Variants in AGL observed in about 807,000 individuals in gnomAD.
The protein encoded by AGL is glycogen debranching enzyme.
A neutral mutation model predicts 199.3 loss-of-function variants in AGL; 128 were observed. The observed-to-expected ratio is 0.64, with a 90% CI of 0.56 to 0.74. The LOEUF is 0.74. Ranked by LOEUF, AGL falls within the 30% of genes least tolerant of loss-of-function variation. The probability of loss-of-function intolerance (pLI) is 0.00; values close to 1 mark genes in which losing one functional copy is unlikely to be tolerated. For synonymous variants in AGL, 584 were observed against 594.7 expected (o/e 0.98, Z 0.26); for missense variants, 1,809 against 1,820.8 (o/e 0.99, Z 0.12).
chr1:99,902,205 GAA>G, intron 26 of AGL, among the ~76,000 whole-genome samples: 1 of 152,184 alleles, frequency 6.6e-6, no homozygotes, highest in East Asian at 1.9e-4. Flanking sequence ...TATGGGTAAA[GAA>G]AATGACTTAT....
chr1:99,907,611 CTTGTTTTTTTCTGTGT>C (rs1570497630), intron 27 of AGL, among the ~76,000 whole-genome samples: 1 of 149,686 alleles, frequency 6.7e-6, no homozygotes, highest in Admixed American at 6.7e-5. Context: ...CTCACCAATA[CTTGTTTTTTTCTGTGT>C]TTGTTTTTTT....
At position 99,885,468 on chromosome 1, in the gene AGL, A is replaced by G. The variant is rs574794767; in HGVS notation, c.2681+765A>G. Among the ~76,000 whole-genome samples the G allele has an allele frequency of 3.3e-5, 5 of 152,284 alleles. No individual in the cohort carries two copies. In the East Asian group the frequency reaches 5.8e-4, roughly 18 times the overall value. On this transcript the variant is annotated intron_variant, in intron 20 of 33. Transcript: ENST00000361915. Reference sequence around the variant, plus strand: ...TTTTGGGTTAGACGAGGGGTCCCCAACCTCTGGGCCACAGACTGGTACTGG... The same window carrying G: ...TTTTGGGTTAGACGAGGGGTCCCCAGCCTCTGGGCCACAGACTGGTACTGG...
intron 17 of AGL, among the ~76,000 whole-genome samples, chr1:99,882,190 A>G (rs1277424554): frequency 6.6e-6 from 1 of 151,934 alleles, no homozygotes; most frequent in South Asian, 2.1e-4. Context: ...TTTTTACTGC[A>G]TGGAACAAAA....
chr1:99,920,509 T>C (rs1655442527), intron 33 of AGL, among the ~76,000 whole-genome samples: 1 of 152,244 alleles, frequency 6.6e-6, no homozygotes, highest in Non-Finnish European at 1.5e-5. Flanking sequence ...GATGCCCAGG[T>C]ATCCAACTTC....
chr1:99,910,683 T>C (rs1204709060), intron 27 of AGL, 29 bp from the exon 28 acceptor site: 4 of 1,372,868 alleles, frequency 2.9e-6, no homozygotes, highest in Non-Finnish European at 4.0e-6. Flanking sequence ...ACTTATAAAA[T>C]TTTATTTTAT....
intron 5 of AGL, among the ~76,000 whole-genome samples, chr1:99,864,825 T>G (rs912743645): frequency 6.6e-6 from 1 of 152,224 alleles, no homozygotes; most frequent in Non-Finnish European, 1.5e-5. Flanking sequence ...CATCTGTTGC[T>G]TATAAATACA....
rs1032852905 is a variant in AGL at position 99,880,718 on chromosome 1, T to C, written c.1822T>C (p.Cys608Arg). The C allele has an allele frequency of 3.1e-6, 5 of 1,613,960 alleles. No homozygotes were observed. The highest frequency in any genetic ancestry group is 4.2e-6 in the Non-Finnish European group (5 of 1,179,948). The change falls in exon 14 of 34, where the codon TGT becomes CGT. Residue 608 changes from cysteine (C) to arginine (R), a missense_variant. By Grantham distance (180) the Cys-to-Arg change is radical (BLOSUM62 -3). Transcript: ENST00000361915. ...GEPVGSFVQP[C>R]LRPLMPAIAH... ...ACCTGTTGGATCCTTTGTTCAGCCCTGTTTGAGGCCTTTAATGCCAGCTAT... is the reference window on the plus strand; with the variant it reads ...ACCTGTTGGATCCTTTGTTCAGCCCCGTTTGAGGCCTTTAATGCCAGCTAT...
upstream of AGL, chr1:99,850,180 C>G (rs1274622498): frequency 6.6e-6 from 1 of 152,424 alleles, no homozygotes; most frequent in Admixed American, 6.5e-5. Flanking sequence ...CCGCGCGAGG[C>G]GAAGTCGCTG....
chr1:99,852,372 T>TTTTC (rs1649031257), intron 2 of AGL, among the ~76,000 whole-genome samples: 1 of 96,122 alleles, frequency 1.0e-5, no homozygotes, highest in African/African-American at 4.3e-5. Flanking sequence ...TTTTTTTTTT[T>TTTTC]CCTTTTCTCT....
chr1:99,863,342 T>A (rs1650225655), intron 4 of AGL, among the ~76,000 whole-genome samples: 1 of 152,164 alleles, frequency 6.6e-6, no homozygotes, highest in African/African-American at 2.4e-5. Flanking sequence ...ACTTATCATT[T>A]CTAAGACTTT....
chr1:99,857,450 C>A (rs920932949), intron 2 of AGL, among the ~76,000 whole-genome samples: 4 of 152,088 alleles, frequency 2.6e-5, no homozygotes, highest in Non-Finnish European at 4.4e-5. Context: ...CTTTGGGAGG[C>A]CAAGGCAGGC....
At chr1:99,899,652 G>T (rs1328761976) in intron 25 of AGL, among the ~76,000 whole-genome samples, 1 of 142,504 alleles carries the variant, frequency 7.0e-6, no homozygotes, top group East Asian at 2.2e-4. Context: ...ACTGAGTCTC[G>T]CTCTGCCATC....
Position 99,888,009 on chromosome 1 carries a change from A to AAGG in AGL, c.2714_2715insGGA (p.Asn905delinsLysAsp). On this transcript the variant is annotated protein_altering_variant, in exon 21 of 34. Coordinates refer to ENST00000361915, the MANE Select transcript of AGL (RefSeq NM_000642.3). ...CTCCAGATTAACTTTGGCTGAGCTA[A>AAGG]ATCAGATCCTTTACCGATGTGAATC... 6.2e-7 allele frequency: 1 copy of AAGG among 1,613,552 alleles called. No homozygotes were observed. Among genetic ancestry groups the AAGG allele is most frequent in the Admixed American group, 1.7e-5 (1 of 59,962 alleles).
At chr1:99,920,941 T>C (rs1312030754) in intron 33 of AGL, among the ~76,000 whole-genome samples, 1 of 152,188 alleles carries the variant, frequency 6.6e-6, no homozygotes, top group East Asian at 1.9e-4. Flanking sequence ...CTTACCTCTC[T>C]ATAGATAGGA....
intron 2 of AGL, among the ~76,000 whole-genome samples, chr1:99,858,770 T>G (rs1649785213): frequency 6.6e-6 from 1 of 152,070 alleles, no homozygotes. Flanking sequence ...ATTATCAATA[T>G]TAATTTTTAG....
chr1:99,912,899 AAAG>A (rs1318928316), intron 29 of AGL, among the ~76,000 whole-genome samples: 1 of 152,220 alleles, frequency 6.6e-6, no homozygotes, highest in African/African-American at 2.4e-5. Flanking sequence ...TAAAAAGTAA[AAAG>A]AAGCAGGTGA....
chr1:99,920,314 A>G (rs2100895466), intron 33 of AGL, among the ~76,000 whole-genome samples: 1 of 152,324 alleles, frequency 6.6e-6, no homozygotes, highest in East Asian at 1.9e-4. Flanking sequence ...GGTCTCTTCC[A>G]GCCCTGTCTC....
At chr1:99,862,524 T>C (rs766568882) in intron 4 of AGL, 101 bp downstream of exon 4, 10 of 1,304,094 alleles carry the variant, frequency 7.7e-6, no homozygotes, top group East Asian at 2.5e-5. Flanking sequence ...CATTCTCTCA[T>C]TGCAGTAAAG....
At position 99,884,796 on chromosome 1, in the gene AGL, T is replaced by C. The variant is rs1652327277; in HGVS notation, c.2681+93T>C. On this transcript the variant is annotated intron_variant, in intron 20 of 33. Transcript: ENST00000361915. ...CAGTTTTAAGGGTCCTCTATATCCT[T>C]GCTACTCAAAGTACGGTCCAAGGAC... 2.7e-6 allele frequency: 4 copies of C among 1,478,368 alleles called. No homozygotes were observed. The South Asian group carries it at 3.4e-5, about 13-fold the overall frequency. The allele number at this position is 1,478,368 out of a possible 1,614,324, so 91.6% of individuals were successfully genotyped here. A position where few individuals can be genotyped will look rare whatever the true frequency, so the allele number is the denominator to read the frequency against.
Sources: allele counts gnomAD v4.1 joint callset (sites outside exome capture counted in the v4.1 genomes callset), GRCh38; gene constraint gnomAD v4.1.1; transcripts MANE v1.5; gene names NCBI Gene and HGNC (gene_info 2026-07-23, HGNC 2026-07-21).